Variants in ACP7 observed in about 807,000 individuals in gnomAD.
ACP7 encodes acid phosphatase type 7.
In ACP7, 58 loss-of-function variants were observed where a neutral mutation model predicts 60.6. That is an observed-to-expected ratio of 0.96 (90% CI 0.77 to 1.19). The LOEUF is 1.19. Among genes scored for constraint, ACP7 ranks in the 50% most tolerant of loss-of-function variants. The pLI is 0.00. For missense variants in ACP7, 574 were observed against 596.2 expected, an observed-to-expected ratio of 0.96 and a Z score of 0.39; for synonymous variants, 237 against 232.6, an observed-to-expected ratio of 1.02 and a Z score of -0.17.
chr19:39,095,198 C>G (rs2073251967), intron 2 of ACP7, among the ~76,000 whole-genome samples: 1 of 152,076 alleles, frequency 6.6e-6, no homozygotes, highest in Non-Finnish European at 1.5e-5. Flanking sequence ...CAGCATTAAC[C>G]CAAAAGTCCA....
chr19:39,108,833 G>A (rs979775283), intron 12 of ACP7, among the ~76,000 whole-genome samples: 3 of 152,126 alleles, frequency 2.0e-5, no homozygotes, highest in Admixed American at 6.6e-5. Context: ...TTATTTATTT[G>A]TTTTTGAGAC....
At chr19:39,100,706 T>C in intron 6 of ACP7, 33 bp from the exon 7 acceptor site, 1 of 1,612,400 alleles carries the variant, frequency 6.2e-7, no homozygotes, top group Non-Finnish European at 8.5e-7. Flanking sequence ...AGGGGAGCCC[T>C]GGTCCCTGAC....
chr19:39,109,502 C>T (rs981662333), intron 12 of ACP7, among the ~76,000 whole-genome samples: 3 of 151,706 alleles, frequency 2.0e-5, no homozygotes, highest in Admixed American at 6.6e-5. Flanking sequence ...GTCAGGAGTT[C>T]GAGACCAGCC....
At chr19:39,090,790 C>CT (rs35453957) in intron 2 of ACP7, among the ~76,000 whole-genome samples, 59,788 of 133,406 alleles carry the variant, frequency 0.45, 14,672 homozygotes, top group Non-Finnish European at 0.58. Flanking sequence ...CTTCCCACTT[C>CT]TTTTTTTTTT....
chr19:39,091,101 G>A (rs1265243928), intron 2 of ACP7, among the ~76,000 whole-genome samples: 2 of 150,810 alleles, frequency 1.3e-5, no homozygotes, highest in Admixed American at 1.3e-4. Context: ...CTCCTCTTGT[G>A]TATTTCCTGT....
rs138951806 is a variant in ACP7 at position 39,101,176 on chromosome 19, G to A, written c.942G>A (p.Leu314=). The change falls in exon 9 of 13, where the codon CTG becomes CTA. Residue 314 remains leucine (L), a synonymous_variant. Coordinates refer to ENST00000331256, the MANE Select transcript of ACP7 (RefSeq NM_001004318.3). ...TCCGCAAAGGCCTCCAAGGCAAGCT[G>A]TACGGGTTGGAGGATCTTTTCTACA... is the stretch of plus-strand genomic sequence containing the variant. ...SKVRKGLQGK[L]YGLEDLFYKY... is the part of the protein sequence containing the mutation. 39 of 1,614,050 alleles carry A rather than the reference G, an allele frequency of 2.4e-5. No homozygotes were observed. In the African/African-American group the frequency reaches 4.5e-4, roughly 19 times the overall value.
chr19:39,110,143 A>G lies in ACP7; in HGVS notation c.*25A>G. 1.9e-6 allele frequency: 3 copies of G among 1,606,582 alleles called. No individual in the cohort carries two copies. Among genetic ancestry groups the G allele is most frequent in the Non-Finnish European group, 2.6e-6 (3 of 1,173,606 alleles). On this transcript the variant is annotated 3_prime_UTR_variant, in exon 13 of 13. Coordinates refer to ENST00000331256, the MANE Select transcript of ACP7 (RefSeq NM_001004318.3). ...GGGATGGCGGCAGCTCTCCTCCAGA[A>G]GCCTAGGTTTTGCCGCCTTGGCTGC...
At chr19:39,103,994 C>G (rs1220109682) in intron 11 of ACP7, among the ~76,000 whole-genome samples, 1 of 150,374 alleles carries the variant, frequency 6.7e-6, no homozygotes, top group Non-Finnish European at 1.5e-5. Context: ...AATGCCAGCA[C>G]TTTGGGAGGC....
chr19:39,099,082 G>T lies in ACP7; in HGVS notation c.445G>T (p.Ala149Ser). The T allele has an allele frequency of 6.2e-7, 1 of 1,605,118 alleles. No individual in the cohort carries two copies. The change falls in exon 4 of 13, where the codon GCC becomes TCC. Residue 149 changes from alanine (A) to serine (S), a missense_variant. Ala to Ser is a moderately conservative substitution (Grantham distance 99). Transcript: ENST00000331256. ...FGDLGADNPKAVPRLRRDTQQ... is the reference protein window; with the variant it reads ...FGDLGADNPKSVPRLRRDTQQ... ...AGACCTGGGGGCTGACAACCCGAAG[G>T]CCGTCCCCCGGCTGCGCAGGGACAC...
intron 2 of ACP7, among the ~76,000 whole-genome samples, chr19:39,091,777 G>T (rs2073207204): frequency 6.6e-6 from 1 of 151,826 alleles, no homozygotes; most frequent in African/African-American, 2.4e-5. Flanking sequence ...CAGGCGTGGT[G>T]GTGTGTGCCT....
At chr19:39,087,632 G>GTTTTT (rs58068960) in intron 2 of ACP7, among the ~76,000 whole-genome samples, 2 of 131,534 alleles carry the variant, frequency 1.5e-5, no homozygotes, top group African/African-American at 2.9e-5. Context: ...AGCTAATTTT[G>GTTTTT]TTTTTTTTTT....
intron 11 of ACP7, among the ~76,000 whole-genome samples, chr19:39,103,866 T>C (rs1480372841): frequency 2.0e-5 from 3 of 151,938 alleles, no homozygotes; most frequent in Admixed American, 6.6e-5. Context: ...TCTCACTATG[T>C]TGCCCAGGCT....
chr19:39,098,877 C>T lies in ACP7; in HGVS notation c.323-83C>T, dbSNP rs1227078627. The stretch of plus-strand genomic sequence containing the variant: ...CCCACCAGTCCCCCCATCTCCTCCC[C>T]TCCACCAGTCGGGGAAGGATGGGGT... On this transcript the variant is annotated intron_variant, in intron 3 of 12. Coordinates refer to ENST00000331256, the MANE Select transcript of ACP7 (RefSeq NM_001004318.3). 4.3e-6 allele frequency: 6 copies of T among 1,382,032 alleles called. No individual in the cohort carries two copies. The Admixed American group carries it at 9.9e-5, about 23-fold the overall frequency. The allele number at this position is 1,382,032 out of a possible 1,614,324, so 85.6% of individuals were successfully genotyped here. A position where few individuals can be genotyped will look rare whatever the true frequency, so the allele number is the denominator to read the frequency against.
At chr19:39,100,048 C>T (rs1057078334) in intron 4 of ACP7, among the ~76,000 whole-genome samples, 179 bp from the exon 5 acceptor site, 5 of 151,288 alleles carry the variant, frequency 3.3e-5, no homozygotes, top group African/African-American at 9.7e-5. Flanking sequence ...GTGGCTCACA[C>T]CTGTAATTCC....
chr19:39,104,323 T>G (rs2073389201), intron 11 of ACP7, among the ~76,000 whole-genome samples: 1 of 152,000 alleles, frequency 6.6e-6, no homozygotes, highest in Non-Finnish European at 1.5e-5. Context: ...AAAAAAGCAC[T>G]TAGATCGTGG....
chr19:39,096,079 T>C (rs1427701624), intron 2 of ACP7, among the ~76,000 whole-genome samples: 1 of 152,220 alleles, frequency 6.6e-6, no homozygotes, highest in Non-Finnish European at 1.5e-5. Flanking sequence ...TGACATGCCC[T>C]GGAGATATTT....
At chr19:39,087,099 C>T (rs911780158) in intron 2 of ACP7, among the ~76,000 whole-genome samples, 1 of 152,028 alleles carries the variant, frequency 6.6e-6, no homozygotes, top group Non-Finnish European at 1.5e-5. Flanking sequence ...GCCTCTGCCC[C>T]GCAGGGTTCA....
chr19:39,100,977 C>A lies in ACP7; in HGVS notation c.836C>A (p.Pro279Gln). The A allele has an allele frequency of 6.2e-7, 1 of 1,613,738 alleles. No homozygotes were observed. Among genetic ancestry groups the A allele is most frequent in the Non-Finnish European group, 8.5e-7 (1 of 1,179,986 alleles). The stretch of plus-strand genomic sequence containing the variant: ...GCCAATAAGAACCGGGCAGCCCGGC[C>A]GTGGATCATCACTATGGGGCACCGG... ...QKANKNRAAR[P>Q]WIITMGHRPM... The change falls in exon 8 of 13, where the codon CCG becomes CAG. Residue 279 changes from proline to glutamine, a missense_variant. Physicochemically the swap from Pro to Gln is moderately conservative, Grantham distance 76. Coordinates refer to ENST00000331256, the MANE Select transcript of ACP7 (RefSeq NM_001004318.3).
intron 2 of ACP7, among the ~76,000 whole-genome samples, chr19:39,095,397 G>T (rs1386292512): frequency 1.3e-5 from 2 of 152,200 alleles, no homozygotes; most frequent in African/African-American, 4.8e-5. Flanking sequence ...ATCCAGCAGG[G>T]CAGTCAAATT....
Sources: allele counts gnomAD v4.1 joint callset (sites outside exome capture counted in the v4.1 genomes callset), GRCh38; gene constraint gnomAD v4.1.1; transcripts MANE v1.5; gene names NCBI Gene and HGNC (gene_info 2026-07-23, HGNC 2026-07-21).